The following DOCK6 variants were observed in gnomAD, a reference collection of about 807,000 sequenced individuals.
DOCK6 encodes the protein dedicator of cytokinesis 6, also known as dedicator of cytokinesis protein 6.
DOCK6 carries 167 observed loss-of-function variants against 230.3 expected under a neutral mutation model. The observed-to-expected ratio is 0.73, with a 90% CI of 0.64 to 0.82. The LOEUF (loss-of-function observed/expected upper bound fraction) is 0.82, where lower values mean the gene tolerates loss of function less well. Ranked by LOEUF, DOCK6 falls within the 40% of genes least tolerant of loss-of-function variation. The probability of loss-of-function intolerance (pLI) is 0.00; values close to 1 mark genes in which losing one functional copy is unlikely to be tolerated. For synonymous variants in DOCK6, 1,148 were observed against 1,185.0 expected, an observed-to-expected ratio of 0.97 and a Z score of 0.64; for missense variants, 2,598 against 2,825.8, an observed-to-expected ratio of 0.92 and a Z score of 1.83.
At chr19:11,244,050 T>A (rs990716689) in intron 9 of DOCK6, among the ~76,000 whole-genome samples, 168 bp from the exon 10 acceptor site, 4 of 152,216 alleles carry the variant, frequency 2.6e-5, no homozygotes, top group African/African-American at 9.6e-5. Context: ...GATCAAGGGT[T>A]AGTGTTGGCC....
chr19:11,211,819 C>T lies in DOCK6; in HGVS notation c.4708G>A (p.Glu1570Lys). 1 of 1,552,358 alleles carries T rather than the reference C, an allele frequency of 6.4e-7. No homozygotes were observed. Among genetic ancestry groups the T allele is most frequent in the South Asian group, 1.2e-5 (1 of 84,088 alleles). ...AGCATCTCAGGGTCCTCCTGGTGTT[C>T]CTTCATCTTCACCGTGTCCGTCAGG... is the stretch of plus-strand genomic sequence containing the variant. The part of the protein sequence containing the change: ...MILTDTVKMK[E>K]HQEDPEMLID... Residue 1570 changes from glutamate (E) to lysine (K), a missense_variant, in exon 37 of 48, where the codon GAA becomes AAA. Physicochemically the swap from Glu to Lys is moderately conservative, Grantham distance 56 (BLOSUM62 1). Coordinates refer to ENST00000294618, the MANE Select transcript of DOCK6 (RefSeq NM_020812.4).
At position 11,243,354 on chromosome 19, in the gene DOCK6, A is replaced by C. The variant is rs1568255613; in HGVS notation, c.1290T>G (p.Arg430=). ...TACTCGCCCGGTCCTGGGGCCCCCGACGGCGGCGGTCTGTCCAGGCTGGCC... is the reference window on the plus strand; with the variant it reads ...TACTCGCCCGGTCCTGGGGCCCCCGCCGGCGGCGGTCTGTCCAGGCTGGCC... ...ERRPAWTDRR[R]RGPQDRASSG... Residue 430 remains arginine, a synonymous_variant, in exon 12 of 48, where the codon CGT becomes CGG. Coordinates refer to ENST00000294618, the MANE Select transcript of DOCK6 (RefSeq NM_020812.4). This position sits in a 1 kb window ranked among gnomAD's most constrained non-coding sequence, Gnocchi z 6.3. The C allele has an allele frequency of 6.2e-7, 1 of 1,600,418 alleles. No homozygotes were observed. The highest frequency in any genetic ancestry group is 2.3e-5 in the East Asian group (1 of 44,224).
chr19:11,240,255 G>T, intron 14 of DOCK6: 1 of 1,583,742 alleles, frequency 6.3e-7, no homozygotes, highest in Non-Finnish European at 8.6e-7. Flanking sequence ...GCTGAGGAGC[G>T]CCTGGCTGGG....
intron 47 of DOCK6, among the ~76,000 whole-genome samples, chr19:11,199,741 G>C (rs929533153): frequency 6.6e-6 from 1 of 152,234 alleles, no homozygotes; most frequent in Non-Finnish European, 1.5e-5. Context: ...CCATTTTACA[G>C]ATGTAGAAAC....
intron 39 of DOCK6, chr19:11,208,101 A>G (rs1194761278): frequency 1.3e-5 from 2 of 152,278 alleles, no homozygotes; most frequent in African/African-American, 4.8e-5. Context: ...AGCCTGGGCA[A>G]AAGAGCAAGA....
chr19:11,223,562 A>C (rs542734995), intron 24 of DOCK6, among the ~76,000 whole-genome samples: 10 of 152,312 alleles, frequency 6.6e-5, no homozygotes, highest in Admixed American at 5.9e-4. Flanking sequence ...TGGTTATTTA[A>C]ATCACTTGTG....
chr19:11,248,215 G>C, intron 6 of DOCK6, 64 bp from the exon 7 acceptor site: 1 of 1,330,696 alleles, frequency 7.5e-7, no homozygotes, highest in Non-Finnish European at 1.0e-6. Flanking sequence ...GAAGGGTCTG[G>C]AATGCCCAGC....
intron 22 of DOCK6, chr19:11,232,392 T>TGTATG: frequency 1.1e-6 from 1 of 874,708 alleles, no homozygotes; most frequent in Non-Finnish European, 1.6e-6. Flanking sequence ...TGTGCCCACA[T>TGTATG]GTGCACCTAC....
chr19:11,238,074 C>T lies in DOCK6; in HGVS notation c.1803G>A (p.Glu601=), dbSNP rs575812488. 15 of 1,613,792 alleles carry T rather than the reference C, an allele frequency of 9.3e-6. No individual in the cohort carries two copies. Among genetic ancestry groups the T allele is most frequent in the Non-Finnish European group, 1.1e-5 (13 of 1,179,868 alleles). ...TATGGTAGACCACCGGTGTGAAGGC[C>T]TCGCGGGTAAATTCACTGCAGCTGG... ...GKSSCSEFTR[E]AFTPVVYHNK... The change falls in exon 16 of 48, where the codon GAG becomes GAA. Residue 601 remains glutamate, a synonymous_variant. Coordinates refer to ENST00000294618, the MANE Select transcript of DOCK6 (RefSeq NM_020812.4).
chr19:11,251,753 T>C (rs769211598), intron 5 of DOCK6: 1 of 156,432 alleles, frequency 6.4e-6, no homozygotes, highest in Non-Finnish European at 1.4e-5. Context: ...ATAATAATAA[T>C]GAAAACAACA....
chr19:11,222,066 G>A lies in DOCK6; in HGVS notation c.3380+43C>T. On this transcript the variant is annotated intron_variant, in intron 27 of 47. Coordinates refer to ENST00000294618, the MANE Select transcript of DOCK6 (RefSeq NM_020812.4). The surrounding 1 kb of genome is among the most constrained non-coding windows in gnomAD (Gnocchi z 4.0). ...CAGGACAGGGTGGACATGGCTCCTG[G>A]ACTGTCCCACCTGTCCTGGGGCTAG... 1 of 1,607,240 alleles carries A rather than the reference G, an allele frequency of 6.2e-7. No homozygotes were observed. The highest frequency in any genetic ancestry group is 8.5e-7 in the Non-Finnish European group (1 of 1,174,840).
rs956474271 is a variant in DOCK6 at position 11,200,135 on chromosome 19, A to T, written c.6101+173T>A. Among the ~76,000 whole-genome samples the T allele has an allele frequency of 1.4e-5, 2 of 145,104 alleles. No homozygotes were observed. Among genetic ancestry groups the T allele is most frequent in the African/African-American group, 5.1e-5 (2 of 38,942 alleles). ...AACTGCACTCCAGCCTGGGCAACAGAGGGAGAGTCTCTCAAAAAAAAAAAC... is the reference window on the plus strand; with the variant it reads ...AACTGCACTCCAGCCTGGGCAACAGTGGGAGAGTCTCTCAAAAAAAAAAAC... On this transcript the variant is annotated intron_variant, in intron 47 of 47. Transcript: ENST00000294618. The surrounding 1 kb of genome is among the most constrained non-coding windows in gnomAD (Gnocchi z 4.3).
chr19:11,237,305 GC>G (rs2079864048), intron 18 of DOCK6, 150 bp downstream of exon 18: 1 of 746,408 alleles, frequency 1.3e-6, no homozygotes, highest in Admixed American at 2.2e-5. Context: ...ACACAGAGAG[GC>G]ATTAATAGGG....
intron 39 of DOCK6, chr19:11,208,278 CTTTTTTTT>C (rs372026726): frequency 3.4e-5 from 4 of 118,330 alleles, no homozygotes; most frequent in Non-Finnish European, 6.8e-5. Context: ...ATTCTCCTTC[CTTTTTTTT>C]TTTTTTTTTT....
At chr19:11,251,108 G>A (rs758200631) in intron 5 of DOCK6, 22 bp from the exon 6 acceptor site, 14 of 1,594,098 alleles carry the variant, frequency 8.8e-6, no homozygotes, top group Admixed American at 3.5e-5. Flanking sequence ...GAATGTGCAA[G>A]CACTGAGTGC....
At chr19:11,242,924 C>A (rs940219837) in intron 13 of DOCK6, 135 bp downstream of exon 13, 5 of 976,046 alleles carry the variant, frequency 5.1e-6, no homozygotes, top group African/African-American at 4.8e-5. Flanking sequence ...GTAGCCAGCC[C>A]CTGAGGTCAG....
At chr19:11,248,018 T>G (rs771227512) in intron 7 of DOCK6, 48 bp downstream of exon 7, 8 of 1,533,086 alleles carry the variant, frequency 5.2e-6, no homozygotes, top group Non-Finnish European at 7.1e-6. Flanking sequence ...CCGGAACCCA[T>G]GTGGTTGCTT....
At chr19:11,220,126 G>C (rs2079557889) in intron 28 of DOCK6, among the ~76,000 whole-genome samples, 1 of 151,928 alleles carries the variant, frequency 6.6e-6, no homozygotes, top group Non-Finnish European at 1.5e-5. Flanking sequence ...GCTAATGTTT[G>C]TATTTTTGGG....
intron 21 of DOCK6, among the ~76,000 whole-genome samples, chr19:11,233,814 T>C (rs1255631573): frequency 6.6e-6 from 1 of 150,620 alleles, no homozygotes; most frequent in Admixed American, 6.6e-5. Context: ...CACTCTAGCC[T>C]GGCCGACAGA....
Sources: gnomAD v4.1 joint callset for allele counts (sites outside exome capture counted in the v4.1 genomes callset) on GRCh38, gnomAD v4.1.1 for gene constraint, Gnocchi (gnomAD v3.1) non-coding constraint, MANE v1.5 for transcripts, NCBI Gene and HGNC (gene_info 2026-07-23, HGNC 2026-07-21) for gene names.